Variants in P4HB observed in about 807,000 individuals in gnomAD.
P4HB encodes protein disulfide-isomerase.
P4HB carries 20 observed loss-of-function variants against 52.6 expected under a neutral mutation model. The observed-to-expected ratio is 0.38, with a 90% CI of 0.27 to 0.55. The LOEUF (loss-of-function observed/expected upper bound fraction) is 0.55, where lower values mean the gene tolerates loss of function less well. P4HB is among the 20% of genes least tolerant of loss of function. The pLI, the probability that P4HB is intolerant of heterozygous loss-of-function variation, is 0.74. For missense variants in P4HB, 601 were observed against 669.2 expected (o/e 0.90, Z 1.12); for synonymous variants, 296 against 277.9 (o/e 1.07, Z -0.65).
chr17:81,845,627 C>A lies in P4HB; in HGVS notation c.1293G>T (p.Glu431Asp), dbSNP rs1206071922. ...VIAKMDSTAN[E>D]VEAVKVHSFP... The stretch of plus-strand genomic sequence containing the variant: ...AGCTGTGCACTTTGACGGCCTCCAC[C>A]TCGTTGGCAGTCGAGTCCATCTTGG... Residue 431 changes from glutamate to aspartate, a missense_variant, in exon 9 of 11, where the codon GAG (glutamate) becomes GAT (aspartate). Physicochemically the swap from Glu to Asp is conservative, Grantham distance 45. Coordinates refer to ENST00000331483, the MANE Select transcript of P4HB (RefSeq NM_000918.4). 1 of 1,613,316 alleles carries A rather than the reference C, an allele frequency of 6.2e-7. No homozygotes were observed. Among genetic ancestry groups the A allele is most frequent in the Admixed American group, 1.7e-5 (1 of 59,954 alleles).
At chr17:81,858,093 GAA>G (rs201057471) in intron 2 of P4HB, among the ~76,000 whole-genome samples, 1,610 of 152,024 alleles carry the variant, frequency 0.011, 31 homozygotes, top group African/African-American at 0.037. Flanking sequence ...CCAACATGGT[GAA>G]ACCCCGTCTC....
In P4HB at chr17:81,845,928, C is replaced by G. The variant is rs2038728786; in HGVS notation, c.1120G>C (p.Gly374Arg). 1.2e-6 allele frequency: 2 copies of G among 1,613,526 alleles called. No individual in the cohort carries two copies. Among genetic ancestry groups the G allele is most frequent in the Non-Finnish European group, 1.7e-6 (2 of 1,179,826 alleles). ...WDKQPVKVLV[G>R]KNFEDVAFDE... ...AAAGCCACGTCTTCAAAGTTCTTCC[C>G]AACAAGCACCTTGACAGGCTGCTTG... The change falls in exon 8 of 11, where the codon GGG becomes CGG. Residue 374 changes from glycine (G) to arginine (R), a missense_variant. Gly to Arg is a moderately radical substitution (Grantham distance 125). Transcript: ENST00000331483.
At chr17:81,859,557 G>T in intron 1 of P4HB, 170 bp from the exon 2 acceptor site, 1 of 627,264 alleles carries the variant, frequency 1.6e-6, no homozygotes, top group Non-Finnish European at 2.8e-6. Flanking sequence ...TGGTGTTCTT[G>T]GGCAATATCA....
At chr17:81,856,653 T>C (rs1330714428) in intron 2 of P4HB, among the ~76,000 whole-genome samples, 1 of 149,992 alleles carries the variant, frequency 6.7e-6, no homozygotes, top group African/African-American at 2.4e-5. Context: ...TCTTCTTTTT[T>C]TTTTTTTTTT....
In P4HB at chr17:81,855,722, T is replaced by C. The variant is rs994315446; in HGVS notation, c.353-136A>G. ...ACCTAAGTAAGATGTTCTCCCACCA[T>C]GGAAGAGGCCCGGTGCCGTCCGCCC... On this transcript the variant is annotated intron_variant, in intron 2 of 10. Coordinates refer to ENST00000331483, the MANE Select transcript of P4HB (RefSeq NM_000918.4). This position sits in a 1 kb window ranked among gnomAD's most constrained non-coding sequence, Gnocchi z 4.3. The C allele has an allele frequency of 1.5e-5, 15 of 1,032,924 alleles. No homozygotes were observed. The highest frequency in any genetic ancestry group is 3.3e-5 in the South Asian group (2 of 60,440). 64.0% of individuals were successfully genotyped at this position (1,032,924 alleles called of 1,614,324 possible).
At chr17:81,858,901 CT>C in intron 2 of P4HB, 1 of 439,764 alleles carries the variant, frequency 2.3e-6, no homozygotes, top group Non-Finnish European at 4.2e-6. Flanking sequence ...AGGCACCAGT[CT>C]CCCTCTCCTC....
intron 4 of P4HB, among the ~76,000 whole-genome samples, chr17:81,851,332 C>T (rs996741841): frequency 2.6e-5 from 4 of 152,224 alleles, no homozygotes; most frequent in Admixed American, 2.0e-4. Flanking sequence ...GACCAGGTGC[C>T]ACTCCCTGCT....
At chr17:81,844,696 C>G (rs1436827893) in intron 10 of P4HB, among the ~76,000 whole-genome samples, 1 of 152,230 alleles carries the variant, frequency 6.6e-6, no homozygotes, top group Non-Finnish European at 1.5e-5. Context: ...CCTCCCAACA[C>G]CAGCCTTCCT....
At chr17:81,860,185 C>A in intron 1 of P4HB, 142 bp downstream of exon 1, 1 of 676,650 alleles carries the variant, frequency 1.5e-6, no homozygotes, top group Non-Finnish European at 2.1e-6. Flanking sequence ...CTGACATGGC[C>A]CCCAAGGCGG....
chr17:81,845,473 G>A (rs1300793762), intron 9 of P4HB, 88 bp downstream of exon 9: 3 of 1,319,510 alleles, frequency 2.3e-6, no homozygotes, highest in African/African-American at 2.9e-5. Flanking sequence ...ACTAGCCCCA[G>A]GCTCCTTCCA....
rs901002093 is a variant in P4HB at position 81,858,257 on chromosome 17, C to CA, written c.352+923dup. Among the ~76,000 whole-genome samples, 482 of 38,600 alleles carry CA rather than the reference C, an allele frequency of 0.012. 62 individuals are homozygous for CA. In the East Asian group the frequency reaches 0.14, roughly 12 times the overall value. 25.3% of individuals were successfully genotyped at this position (38,600 alleles called of 152,430 possible). A position where few individuals can be genotyped will look rare whatever the true frequency, so the allele number is the denominator to read the frequency against. On this transcript the variant is annotated intron_variant, in intron 2 of 10. Transcript: ENST00000331483. ...ACTGCACGACAGAGCGAGACTGTCTCAAAAAAAAAAAAAAAAAAAAAAAAA... is the reference window on the plus strand; with the variant it reads ...ACTGCACGACAGAGCGAGACTGTCTCAAAAAAAAAAAAAAAAAAAAAAAAAA...
chr17:81,849,513 ATAAAT>A (rs1394516550), intron 4 of P4HB, among the ~76,000 whole-genome samples: 1 of 150,746 alleles, frequency 6.6e-6, no homozygotes, highest in African/African-American at 2.5e-5. Flanking sequence ...AAAAATAAAA[ATAAAT>A]AGAGAGAAAA....
At position 81,843,986 on chromosome 17, in the gene P4HB, G is replaced by A. The variant is rs774085259; in HGVS notation, c.*26C>T. The A allele has an allele frequency of 3.8e-6, 6 of 1,573,810 alleles. No individual in the cohort carries two copies. The Admixed American group carries it at 6.7e-5, about 17-fold the overall frequency. ...GGTGTGCAGCCCCCGAGGGGTCTCG[G>A]CAGCGCCCGGGTCTGGCTTTGCGTA... On this transcript the variant is annotated 3_prime_UTR_variant, in exon 11 of 11. Coordinates refer to ENST00000331483, the MANE Select transcript of P4HB (RefSeq NM_000918.4).
chr17:81,852,479 G>T (rs900324937), intron 4 of P4HB, among the ~76,000 whole-genome samples: 15 of 152,248 alleles, frequency 9.9e-5, no homozygotes, highest in Non-Finnish European at 1.6e-4. Flanking sequence ...CTCAGCTGCG[G>T]GGTGAGCTCT....
chr17:81,859,687 C>A, intron 1 of P4HB: 1 of 439,544 alleles, frequency 2.3e-6, no homozygotes, highest in Non-Finnish European at 4.2e-6. Flanking sequence ...TCCCCACAGG[C>A]AACTAAGGCA....
rs1257028153 is a variant in P4HB at position 81,860,412 on chromosome 17, G to C, written c.60C>G (p.Pro20=). The change falls in exon 1 of 11, where the codon CCC becomes CCG. Residue 20 remains proline (P), a synonymous_variant. Coordinates refer to ENST00000331483, the MANE Select transcript of P4HB (RefSeq NM_000918.4). The part of the protein sequence containing the change: ...AVAALVRADA[P]EEEDHVLVLR... ...GCACCAGGACGTGGTCCTCCTCCTC[G>C]GGGGCGTCGGCGCGCACCAGGGCGG... The C allele has an allele frequency of 5.6e-6, 8 of 1,437,238 alleles. No individual in the cohort carries two copies. The African/African-American group carries it at 6.0e-5, about 11-fold the overall frequency. 89.0% of individuals were successfully genotyped at this position (1,437,238 alleles called of 1,614,324 possible).
chr17:81,844,305 G>C (rs1311829576), intron 10 of P4HB, among the ~76,000 whole-genome samples: 1 of 152,192 alleles, frequency 6.6e-6, no homozygotes, highest in African/African-American at 2.4e-5. Flanking sequence ...ATAGCAGGAT[G>C]AATCAGAGCC....
At chr17:81,853,141 T>C (rs1298543342) in intron 4 of P4HB, among the ~76,000 whole-genome samples, 13 of 152,146 alleles carry the variant, frequency 8.5e-5, no homozygotes, top group Admixed American at 7.9e-4. Context: ...CTTGAGGAAG[T>C]GGCTGCAAAA....
In P4HB at chr17:81,845,755, C is replaced by T. The variant is rs1318464322; in HGVS notation, c.1178-13G>A. 1.2e-6 allele frequency: 2 copies of T among 1,612,248 alleles called. No homozygotes were observed. The highest frequency in any genetic ancestry group is 1.7e-5 in the Admixed American group (1 of 59,818). ...CACCATGGGGCATCTGAAAAGAAAG[C>T]AGTTCTAGGGTGTGTCCTGGACACA... On this transcript the variant is annotated splice_polypyrimidine_tract_variant and intron_variant, in intron 8 of 10. Coordinates refer to ENST00000331483, the MANE Select transcript of P4HB (RefSeq NM_000918.4).
Sources: gnomAD v4.1 joint callset for allele counts (sites outside exome capture counted in the v4.1 genomes callset) on GRCh38, gnomAD v4.1.1 for gene constraint, Gnocchi (gnomAD v3.1) non-coding constraint, MANE v1.5 for transcripts, NCBI Gene and HGNC (gene_info 2026-07-23, HGNC 2026-07-21) for gene names.